MYO5B: variants seen among roughly 807,000 people sequenced by gnomAD.
MYO5B encodes myosin VB.
MYO5B carries 143 observed loss-of-function variants against 229.3 expected under a neutral mutation model. The observed-to-expected ratio is 0.62, with a 90% CI of 0.54 to 0.72. MYO5B has a LOEUF of 0.72. Among genes scored for constraint, MYO5B ranks in the 30% least tolerant of loss-of-function variants. MYO5B has a pLI of 0.00. For synonymous variants in MYO5B, 918 were observed against 885.2 expected (o/e 1.04, Z -0.66); for missense variants, 2,321 against 2,331.0 (o/e 1.00, Z 0.09).
chr18:50,191,006 C>A (rs1181649369), intron 1 of MYO5B, among the ~76,000 whole-genome samples: 2 of 152,194 alleles, frequency 1.3e-5, no homozygotes, highest in African/African-American at 4.8e-5. Context: ...TAAAAGGGAA[C>A]ATTGGCTATT....
intron 1 of MYO5B, among the ~76,000 whole-genome samples, chr18:50,137,575 G>T (rs879285166): frequency 6.6e-6 from 1 of 152,048 alleles, no homozygotes. Flanking sequence ...GTTTCTCTTA[G>T]TTCCTCAAAG....
chr18:50,190,033 G>A lies in MYO5B; in HGVS notation c.27+4734C>T, dbSNP rs568120380. ...CTACCTATCAATTAGAAGCCAAGCAGGAAAAAAGGTTATTTGAAGGCACTG... is the reference window on the plus strand; with the variant it reads ...CTACCTATCAATTAGAAGCCAAGCAAGAAAAAAGGTTATTTGAAGGCACTG... On this transcript the variant is annotated intron_variant, in intron 1 of 39. Coordinates refer to ENST00000285039, the MANE Select transcript of MYO5B (RefSeq NM_001080467.3). 2.2e-4 allele frequency among the ~76,000 whole-genome samples: 33 copies of A among 152,156 alleles called. No individual in the cohort carries two copies. The South Asian group carries it at 6.7e-3, about 31-fold the overall frequency.
Position 49,906,437 on chromosome 18 carries a change from C to T in MYO5B, c.2396G>A (p.Arg799Gln), listed in dbSNP as rs1474996872. 8.1e-6 allele frequency: 13 copies of T among 1,613,996 alleles called. No homozygotes were observed. Among genetic ancestry groups the T allele is most frequent in the South Asian group, 4.4e-5 (4 of 91,088 alleles). ...GATLTLQRYC[R>Q]GHLARRLAEH... ...GGCTCACCTGCGGGCCAGGTGTCCCCGGCAGTACCTCTGCAGGGTTAAGGT... is the reference window on the plus strand; with the variant it reads ...GGCTCACCTGCGGGCCAGGTGTCCCTGGCAGTACCTCTGCAGGGTTAAGGT... The change falls in exon 19 of 40, where the codon CGG becomes CAG. Residue 799 changes from arginine (R) to glutamine (Q), a missense_variant. Physicochemically the swap from Arg to Gln is conservative, Grantham distance 43. Around this residue, in one of 2 missense-constraint regions of MYO5B, gnomAD observed 2,113 missense variants for 2,044.7 expected, o/e 1.03. Coordinates refer to ENST00000285039, the MANE Select transcript of MYO5B (RefSeq NM_001080467.3).
chr18:49,896,675 G>C (rs2024782595), intron 21 of MYO5B, among the ~76,000 whole-genome samples: 2 of 152,176 alleles, frequency 1.3e-5, no homozygotes, highest in Admixed American at 1.3e-4. Flanking sequence ...CATGGTAACA[G>C]GAGGCACATC....
intron 27 of MYO5B, among the ~76,000 whole-genome samples, chr18:49,867,031 G>A (rs1336658024): frequency 1.3e-5 from 2 of 152,202 alleles, no homozygotes; most frequent in African/African-American, 4.8e-5. Flanking sequence ...GCAGAAGACA[G>A]AGCAGAGCTG....
rs535504125 is a variant in MYO5B, at chr18:49,984,719, G to A, written c.945C>T (p.Leu315=). 2.0e-5 allele frequency: 32 copies of A among 1,605,312 alleles called. No homozygotes were observed. The highest frequency in any genetic ancestry group is 6.7e-5 in the East Asian group (3 of 44,832). The change falls in exon 8 of 40, where the codon CTC becomes CTT. Residue 315 remains leucine (L), a splice_region_variant and synonymous_variant. Coordinates refer to ENST00000285039, the MANE Select transcript of MYO5B (RefSeq NM_001080467.3). The stretch of plus-strand genomic sequence containing the variant: ...TTCCCCAACTAAGAAGCTCCTTACC[G>A]AGGAGTGTGAAGGCTTGTCGAGTCT... The part of the protein sequence containing the change: ...FEKTRQAFTL[L]GVKESHQMSI...
Position 50,122,735 on chromosome 18 carries a change from C to T in MYO5B, c.28-67357G>A, listed in dbSNP as rs1179719614. Among the ~76,000 whole-genome samples, 9 of 150,466 alleles carry T rather than the reference C, an allele frequency of 6.0e-5. No individual in the cohort carries two copies. The East Asian group carries it at 1.8e-3, about 29-fold the overall frequency. ...AATAAAAATTAAAAAATAACAGACC[C>T]TGAAATGCAAATCAAAACCACAATA... On this transcript the variant is annotated intron_variant, in intron 1 of 39. Coordinates refer to ENST00000285039, the MANE Select transcript of MYO5B (RefSeq NM_001080467.3).
intron 4 of MYO5B, among the ~76,000 whole-genome samples, chr18:50,003,215 A>G (rs1050058565): frequency 1.3e-5 from 2 of 152,178 alleles, no homozygotes; most frequent in Non-Finnish European, 2.9e-5. Context: ...GATGGACCTG[A>G]GTGGATGTGG....
chr18:49,857,623 G>C (rs1288192024), intron 29 of MYO5B, among the ~76,000 whole-genome samples: 1 of 152,208 alleles, frequency 6.6e-6, no homozygotes, highest in Non-Finnish European at 1.5e-5. Flanking sequence ...CCTTGACCTT[G>C]GGACTGGGGT....
At chr18:50,180,147 A>G (rs2033052224) in intron 1 of MYO5B, among the ~76,000 whole-genome samples, 1 of 152,150 alleles carries the variant, frequency 6.6e-6, no homozygotes, top group African/African-American at 2.4e-5. Flanking sequence ...GTTAGGTGAG[A>G]GGACCAGATC....
Position 49,880,405 on chromosome 18 carries a change from T to G in MYO5B, c.3096A>C (p.Glu1032Asp). The change falls in exon 23 of 40, where the codon GAA becomes GAC. Residue 1032 changes from glutamate to aspartate, a missense_variant. Physicochemically the swap from Glu to Asp is conservative, Grantham distance 45. Transcript: ENST00000285039. ...GGCACAGGATTTGGTTGTTGAGCTG[T>G]TCTTTCTCATCTTTCAAGAGAGCAT... The part of the protein sequence containing the change: ...QENALLKDEK[E>D]QLNNQILCQS... The G allele has an allele frequency of 6.2e-7, 1 of 1,614,142 alleles. No homozygotes were observed.
chr18:49,987,039 A>G (rs1433149752), intron 7 of MYO5B, among the ~76,000 whole-genome samples: 2 of 152,210 alleles, frequency 1.3e-5, no homozygotes, highest in Admixed American at 1.3e-4. Context: ...AGACTTTCAT[A>G]TTAGAGGGAA....
In MYO5B at chr18:49,966,621, C is replaced by T. The variant is rs565273178; in HGVS notation, c.1323-3591G>A. Among the ~76,000 whole-genome samples, 28 of 152,328 alleles carry T rather than the reference C, an allele frequency of 1.8e-4. No homozygotes were observed. In the South Asian group the frequency reaches 5.8e-3, roughly 32 times the overall value. On this transcript the variant is annotated intron_variant, in intron 10 of 39. Coordinates refer to ENST00000285039, the MANE Select transcript of MYO5B (RefSeq NM_001080467.3). ...GGCCAGATAATAGCAATTGGGTGTG[C>T]TGGCAGAGCTGTGCTAAGCTCCACA...
intron 7 of MYO5B, 82 bp from the exon 8 acceptor site, chr18:49,984,907 G>A (rs562563913): frequency 9.5e-5 from 94 of 990,862 alleles, no homozygotes; most frequent in Admixed American, 4.5e-4. Flanking sequence ...ATTCTACTCC[G>A]TTAGCATGCT....
At chr18:49,975,034 C>G (rs2144283489) in intron 9 of MYO5B, among the ~76,000 whole-genome samples, 1 of 152,330 alleles carries the variant, frequency 6.6e-6, no homozygotes, top group Non-Finnish European at 1.5e-5. Flanking sequence ...AGCTTATGAC[C>G]ATGCAATCCA....
At position 49,974,409 on chromosome 18, in the gene MYO5B, G is replaced by A; in HGVS notation, c.1263C>T (p.Asn421=). The part of the protein sequence containing the change: ...QLFGWIVEHI[N]KALHTSLKQH... Reference sequence around the variant, plus strand: ...GCTTGAGGGAGGTGTGCAGGGCCTTGTTGATGTGCTCCACAATCCAGCCGA... The same window carrying A: ...GCTTGAGGGAGGTGTGCAGGGCCTTATTGATGTGCTCCACAATCCAGCCGA... The change falls in exon 10 of 40, where the codon AAC becomes AAT. Residue 421 remains asparagine (N), a synonymous_variant. Coordinates refer to ENST00000285039, the MANE Select transcript of MYO5B (RefSeq NM_001080467.3). 1 of 1,614,206 alleles carries A rather than the reference G, an allele frequency of 6.2e-7. No homozygotes were observed. Among genetic ancestry groups the A allele is most frequent in the Non-Finnish European group, 8.5e-7 (1 of 1,180,022 alleles).
At chr18:49,962,913 A>T in intron 11 of MYO5B, 36 bp downstream of exon 11, 1 of 1,577,930 alleles carries the variant, frequency 6.3e-7, no homozygotes. Flanking sequence ...GAGTCCCCCC[A>T]ATCCTGGTAC....
intron 7 of MYO5B, among the ~76,000 whole-genome samples, chr18:49,987,552 C>T (rs928065968): frequency 3.3e-5 from 5 of 152,002 alleles, no homozygotes; most frequent in Non-Finnish European, 7.3e-5. Context: ...ACTAGTTCAA[C>T]AGGCAGAGAT....
intron 4 of MYO5B, among the ~76,000 whole-genome samples, chr18:50,008,158 T>C (rs1233590274): frequency 2.0e-5 from 3 of 152,316 alleles, no homozygotes; most frequent in Admixed American, 1.3e-4. Context: ...AGTTTAAATA[T>C]GTATTGGGGT....
Sources: allele counts gnomAD v4.1 joint callset (sites outside exome capture counted in the v4.1 genomes callset), GRCh38; gene constraint gnomAD v4.1.1; regional missense constraint gnomAD v4.1.1; transcripts MANE v1.5; gene names NCBI Gene and HGNC (gene_info 2026-07-23, HGNC 2026-07-21).